The following TAFA1 variants were observed in gnomAD, a reference collection of about 807,000 sequenced individuals.
The protein encoded by TAFA1 is TAFA chemokine like family member 1.
In TAFA1, 4 loss-of-function variants were observed where a neutral mutation model predicts 18.5. The observed-to-expected ratio is 0.22, with a 90% CI of 0.11 to 0.49. TAFA1 has a LOEUF of 0.49. TAFA1 is among the 20% of genes least tolerant of loss of function. The pLI is 0.98. For missense variants in TAFA1, 147 were observed against 169.0 expected, an observed-to-expected ratio of 0.87 and a Z score of 0.72; for synonymous variants, 56 against 55.2, an observed-to-expected ratio of 1.01 and a Z score of -0.06.
At chr3:68,331,640 A>G (rs1374079267) in intron 2 of TAFA1, among the ~76,000 whole-genome samples, 1 of 152,186 alleles carries the variant, frequency 6.6e-6, no homozygotes, top group African/African-American at 2.4e-5. Context: ...TAGAATCACA[A>G]AAAGACTCTG....
intron 2 of TAFA1, among the ~76,000 whole-genome samples, chr3:68,276,398 A>G (rs576913998): frequency 1.3e-4 from 20 of 152,290 alleles, no homozygotes; most frequent in Non-Finnish European, 2.4e-4. Flanking sequence ...AAATGTCTGC[A>G]GACATTGCCA....
intron 2 of TAFA1, among the ~76,000 whole-genome samples, chr3:68,222,507 A>G (rs1009575610): frequency 6.6e-6 from 1 of 152,072 alleles, no homozygotes; most frequent in Non-Finnish European, 1.5e-5. Context: ...CAGGTATTCA[A>G]TATCTATTTG....
intron 2 of TAFA1, among the ~76,000 whole-genome samples, chr3:68,099,879 A>C (rs1288672046): frequency 1.3e-5 from 2 of 152,188 alleles, no homozygotes; most frequent in Admixed American, 6.5e-5. Context: ...CACTGTCCTT[A>C]GCAAAATTAA....
intron 2 of TAFA1, among the ~76,000 whole-genome samples, chr3:68,322,295 C>A (rs1444558634): frequency 2.0e-5 from 3 of 152,170 alleles, no homozygotes; most frequent in African/African-American, 7.2e-5. Context: ...AAAGCTCAAT[C>A]CTTAAGTAAA....
chr3:68,490,125 A>G (rs1204692178), intron 3 of TAFA1, among the ~76,000 whole-genome samples: 1 of 152,228 alleles, frequency 6.6e-6, no homozygotes, highest in African/African-American at 2.4e-5. Flanking sequence ...CAGATTTCCA[A>G]TACTTATGGA....
rs150936690 is a variant in TAFA1, at chr3:68,330,972, A to G, written c.119-86308A>G. On this transcript the variant is annotated intron_variant, in intron 2 of 4. Transcript: ENST00000478136. ...AAGAATTGAAAATAGGTGTTCAAAC[A>G]AAAATTTTTACAGAATGTTCACAGC... Among the ~76,000 whole-genome samples, 510 of 152,304 alleles carry G rather than the reference A, an allele frequency of 3.3e-3. 4 individuals are homozygous for G. Among genetic ancestry groups the G allele is most frequent in the African/African-American group, 0.011 (477 of 41,564 alleles).
chr3:68,408,486 A>G (rs2070653793), intron 2 of TAFA1, among the ~76,000 whole-genome samples: 1 of 152,200 alleles, frequency 6.6e-6, no homozygotes. Context: ...CTTTGTGAAC[A>G]TATCCACATA....
intron 2 of TAFA1, among the ~76,000 whole-genome samples, chr3:68,411,939 C>T (rs538269893): frequency 2.0e-5 from 3 of 152,146 alleles, no homozygotes; most frequent in Non-Finnish European, 1.5e-5. Flanking sequence ...GAGCTTCCAA[C>T]TGTTGGGGTC....
At chr3:68,159,957 A>G (rs1191074800) in intron 2 of TAFA1, among the ~76,000 whole-genome samples, 2 of 152,216 alleles carry the variant, frequency 1.3e-5, no homozygotes, top group Non-Finnish European at 2.9e-5. Flanking sequence ...GCTTTGGAAT[A>G]AAAAGTCACT....
chr3:68,278,472 G>A (rs1172560395), intron 2 of TAFA1, among the ~76,000 whole-genome samples: 1 of 152,076 alleles, frequency 6.6e-6, no homozygotes, highest in Non-Finnish European at 1.5e-5. Context: ...AGGGAGGCAG[G>A]TTGTTGTTCA....
At position 68,251,419 on chromosome 3, in the gene TAFA1, T is replaced by C. The variant is rs182594776; in HGVS notation, c.119-165861T>C. On this transcript the variant is annotated intron_variant, in intron 2 of 4. Transcript: ENST00000478136. The stretch of plus-strand genomic sequence containing the variant: ...TGTTAGGAGTTACAATATTCCCTTC[T>C]TTTGTCATTTTCATTTCATTCATTC... 2.0e-5 allele frequency among the ~76,000 whole-genome samples: 3 copies of C among 152,374 alleles called. No homozygotes were observed. The East Asian group carries it at 5.8e-4, about 29-fold the overall frequency.
intron 2 of TAFA1, among the ~76,000 whole-genome samples, chr3:68,326,719 A>G (rs2068782811): frequency 6.6e-6 from 1 of 152,230 alleles, no homozygotes; most frequent in African/African-American, 2.4e-5. Context: ...CCTTATTATC[A>G]GGTAGACACA....
chr3:68,474,645 T>C lies in TAFA1; in HGVS notation c.259+57225T>C, dbSNP rs371497301. Among the ~76,000 whole-genome samples the C allele has an allele frequency of 2.0e-5, 3 of 152,292 alleles. No individual in the cohort carries two copies. In the East Asian group the frequency reaches 5.8e-4, roughly 29 times the overall value. ...GAGTATAGCAGGTGCTGCATCTTGG[T>C]TTTATAAATCGTTGTAAATTATCTC... On this transcript the variant is annotated intron_variant, in intron 3 of 4. Coordinates refer to ENST00000478136, the MANE Select transcript of TAFA1 (RefSeq NM_213609.4).
intron 3 of TAFA1, among the ~76,000 whole-genome samples, chr3:68,450,513 C>T (rs1403532850): frequency 3.3e-5 from 5 of 152,188 alleles, no homozygotes; most frequent in Admixed American, 2.0e-4. Flanking sequence ...AAGAATGGCT[C>T]ATGGGCAGGT....
the TAFA1 span, among the ~76,000 whole-genome samples, chr3:67,998,501 CT>C: frequency 1.3e-5 from 2 of 152,176 alleles, no homozygotes; most frequent in African/African-American, 2.4e-5. Flanking sequence ...ATCCTTCCCC[CT>C]GGTCAAGGTC....
chr3:68,333,849 A>G (rs1171879098), intron 2 of TAFA1, among the ~76,000 whole-genome samples: 2 of 152,246 alleles, frequency 1.3e-5, no homozygotes, highest in Non-Finnish European at 2.9e-5. Flanking sequence ...TCTGCCATCA[A>G]TTACAACATG....
intron 2 of TAFA1, among the ~76,000 whole-genome samples, chr3:68,297,493 A>T (rs2068229881): frequency 6.6e-6 from 1 of 152,174 alleles, no homozygotes; most frequent in Non-Finnish European, 1.5e-5. Context: ...GACTCCACAG[A>T]TCTAGGGTGG....
chr3:68,213,311 C>G (rs1319160181), intron 2 of TAFA1, among the ~76,000 whole-genome samples: 3 of 152,084 alleles, frequency 2.0e-5, no homozygotes, highest in African/African-American at 4.8e-5. Flanking sequence ...GCACCCAGAT[C>G]TAGCTCATAG....
intron 2 of TAFA1, among the ~76,000 whole-genome samples, chr3:68,312,297 C>T: frequency 6.6e-6 from 1 of 152,162 alleles, no homozygotes; most frequent in East Asian, 1.9e-4. Context: ...ATGCAAAATT[C>T]TCCAGCAGGC....
Sources: allele counts gnomAD v4.1 joint callset (sites outside exome capture counted in the v4.1 genomes callset), GRCh38; gene constraint gnomAD v4.1.1; transcripts MANE v1.5; gene names NCBI Gene and HGNC (gene_info 2026-07-23, HGNC 2026-07-21).